Variants in DPCD observed in about 807,000 individuals in gnomAD.
DPCD encodes the protein protein DPCD.
Under a neutral mutation model 26.4 loss-of-function variants are expected in DPCD, and 20 were observed. The ratio of observed to expected loss-of-function variants is 0.76; its 90% CI spans 0.53 to 1.10. DPCD has a LOEUF of 1.10. Ranked by LOEUF, DPCD falls within the 50% of genes least tolerant of loss-of-function variation. The pLI, the probability that DPCD is intolerant of heterozygous loss-of-function variation, is 0.00. For synonymous variants in DPCD, 97 were observed against 94.2 expected, an observed-to-expected ratio of 1.03 and a Z score of -0.17; for missense variants, 202 against 253.9, an observed-to-expected ratio of 0.80 and a Z score of 1.39.
At chr10:101,607,044 A>G (rs1170983459) in intron 4 of DPCD, among the ~76,000 whole-genome samples, 1 of 152,210 alleles carries the variant, frequency 6.6e-6, no homozygotes, top group Non-Finnish European at 1.5e-5. Context: ...CTATGCACCT[A>G]AAGTTCCCTC....
chr10:101,589,638 G>A lies in DPCD; in HGVS notation c.64+1238G>A, dbSNP rs373558875. ...TTCACGCCTGTAATCCCAGCATGTT[G>A]GGAGGCCGAGTGGGCGGATCCCTTG... On this transcript the variant is annotated intron_variant, in intron 1 of 5. Transcript: ENST00000370151. Among the ~76,000 whole-genome samples the A allele has an allele frequency of 1.6e-4, 24 of 152,298 alleles. No individual in the cohort carries two copies. The East Asian group carries it at 3.9e-3, about 24-fold the overall frequency.
At chr10:101,596,472 G>A (rs979721747) in intron 2 of DPCD, 2 of 152,194 alleles carry the variant, frequency 1.3e-5, no homozygotes, top group East Asian at 3.8e-4. Flanking sequence ...TTCTAAGCCA[G>A]GATTTAAGCC....
At chr10:101,593,313 A>G (rs1215776644) in intron 1 of DPCD, among the ~76,000 whole-genome samples, 1 of 152,138 alleles carries the variant, frequency 6.6e-6, no homozygotes, top group African/African-American at 2.4e-5. Flanking sequence ...CTGCAAATTT[A>G]GGGGTGAGTT....
chr10:101,608,727 T>C lies in DPCD; in HGVS notation c.405-108T>C, dbSNP rs1026197486. 10 of 714,820 alleles carry C rather than the reference T, an allele frequency of 1.4e-5. No homozygotes were observed. In the African/African-American group the frequency reaches 1.6e-4, roughly 11 times the overall value. 44.3% of individuals were successfully genotyped at this position (714,820 alleles called of 1,614,324 possible). A position where few individuals can be genotyped will look rare whatever the true frequency, so the allele number is the denominator to read the frequency against. Reference sequence around the variant, plus strand: ...GGTTTCCCTTCTCCCTCTCTGCGTGTGTGGAAGGTGTGGAAGAACTAGGTA... The same window carrying C: ...GGTTTCCCTTCTCCCTCTCTGCGTGCGTGGAAGGTGTGGAAGAACTAGGTA... On this transcript the variant is annotated intron_variant, in intron 4 of 5. Transcript: ENST00000370151.
chr10:101,591,658 A>G lies in DPCD; in HGVS notation c.65-3000A>G, dbSNP rs536541908. ...AATATGAAAAATAAAGAAGTCAAATATAATATTACCACCCAGATAATCATA... is the reference window on the plus strand; with the variant it reads ...AATATGAAAAATAAAGAAGTCAAATGTAATATTACCACCCAGATAATCATA... On this transcript the variant is annotated intron_variant, in intron 1 of 5. Transcript: ENST00000370151. Among the ~76,000 whole-genome samples the G allele has an allele frequency of 3.3e-5, 5 of 152,242 alleles. No homozygotes were observed. In the South Asian group the frequency reaches 1.0e-3, roughly 32 times the overall value.
chr10:101,595,640 G>A (rs2063645977), intron 2 of DPCD, among the ~76,000 whole-genome samples: 1 of 152,040 alleles, frequency 6.6e-6, no homozygotes, highest in East Asian at 1.9e-4. Flanking sequence ...TGGATTACAC[G>A]GGCTTGCATT....
chr10:101,602,929 C>T (rs543185339), intron 4 of DPCD, among the ~76,000 whole-genome samples: 3 of 152,390 alleles, frequency 2.0e-5, no homozygotes, highest in African/African-American at 7.2e-5. Flanking sequence ...CCAGCATATC[C>T]TCTGGGTCCC....
At chr10:101,592,485 C>G (rs1053528509) in intron 1 of DPCD, among the ~76,000 whole-genome samples, 1 of 150,914 alleles carries the variant, frequency 6.6e-6, no homozygotes, top group Non-Finnish European at 1.5e-5. Flanking sequence ...TTTGAGAGGC[C>G]AAGGCAGGAG....
At chr10:101,591,468 C>T (rs1225172398) in intron 1 of DPCD, among the ~76,000 whole-genome samples, 1 of 152,082 alleles carries the variant, frequency 6.6e-6, no homozygotes, top group African/African-American at 2.4e-5. Context: ...GTGGTTAAGC[C>T]TTGTCAAACC....
chr10:101,604,190 T>C (rs565900344), intron 4 of DPCD, among the ~76,000 whole-genome samples: 51 of 152,262 alleles, frequency 3.3e-4, no homozygotes, highest in Non-Finnish European at 5.9e-4. Flanking sequence ...ATCATCATTC[T>C]GTCAGGAGGT....
chr10:101,589,732 A>G (rs1193288670), intron 1 of DPCD, among the ~76,000 whole-genome samples: 1 of 152,140 alleles, frequency 6.6e-6, no homozygotes, highest in African/African-American at 2.4e-5. Context: ...AAATACAAAA[A>G]AATTAGCCAG....
intron 4 of DPCD, chr10:101,605,025 C>A: frequency 6.9e-7 from 1 of 1,445,390 alleles, no homozygotes. Flanking sequence ...GGGCCGAGAG[C>A]CTTTAGTATG....
rs1326832826 is a variant in DPCD at position 101,603,191 on chromosome 10, C to A, written c.404+1855C>A. On this transcript the variant is annotated intron_variant, in intron 4 of 5. Coordinates refer to ENST00000370151, the MANE Select transcript of DPCD (RefSeq NM_015448.3). The surrounding 1 kb of genome is among the most constrained non-coding windows in gnomAD (Gnocchi z 4.6). ...TCTGGTCCAGTGTCCCAGCCTGGCT[C>A]ATCCCTGCCCTCCTCAGGTCTCTCT... 6.6e-6 allele frequency among the ~76,000 whole-genome samples: 1 copy of A among 152,174 alleles called. No homozygotes were observed. The highest frequency in any genetic ancestry group is 2.4e-5 in the African/African-American group (1 of 41,452).
chr10:101,604,891 C>G (rs1419356780), intron 4 of DPCD, among the ~76,000 whole-genome samples: 1 of 152,182 alleles, frequency 6.6e-6, no homozygotes, highest in African/African-American at 2.4e-5. Flanking sequence ...CTGAGGAGAG[C>G]TTGGCTGATT....
At chr10:101,597,691 C>G (rs1027599353) in intron 2 of DPCD, among the ~76,000 whole-genome samples, 19 of 152,184 alleles carry the variant, frequency 1.2e-4, no homozygotes, top group African/African-American at 4.3e-4. Flanking sequence ...GACAGCGTCC[C>G]GGGAAGCTGC....
intron 2 of DPCD, among the ~76,000 whole-genome samples, chr10:101,595,145 C>T (rs919890323): frequency 6.6e-5 from 10 of 152,130 alleles, no homozygotes; most frequent in Admixed American, 2.0e-4. Flanking sequence ...CAGGAGCAAG[C>T]GAGTATCAGA....
At chr10:101,607,050 C>A (rs1468917568) in intron 4 of DPCD, among the ~76,000 whole-genome samples, 1 of 152,182 alleles carries the variant, frequency 6.6e-6, no homozygotes, top group Admixed American at 6.5e-5. Context: ...ACCTAAAGTT[C>A]CCTCTGATCC....
chr10:101,604,526 T>C (rs2063720606), intron 4 of DPCD, among the ~76,000 whole-genome samples: 1 of 152,180 alleles, frequency 6.6e-6, no homozygotes, highest in Non-Finnish European at 1.5e-5. Context: ...ATCATGTCCT[T>C]GGCCTCACAT....
At chr10:101,608,195 G>A (rs1400537189) in intron 4 of DPCD, among the ~76,000 whole-genome samples, 1 of 152,142 alleles carries the variant, frequency 6.6e-6, no homozygotes, top group African/African-American at 2.4e-5. Flanking sequence ...GAGGAGTAGG[G>A]ACTTGGGGCC....
Sources: allele counts gnomAD v4.1 joint callset (sites outside exome capture counted in the v4.1 genomes callset), GRCh38; gene constraint gnomAD v4.1.1; non-coding constraint Gnocchi (gnomAD v3.1); transcripts MANE v1.5; gene names NCBI Gene and HGNC (gene_info 2026-07-23, HGNC 2026-07-21).